Variants in LARGE1 observed in about 807,000 individuals in gnomAD.
The protein encoded by LARGE1 is xylosyl- and glucuronyltransferase LARGE1.
In LARGE1, 43 loss-of-function variants were observed where a neutral mutation model predicts 87.6. The observed-to-expected ratio is 0.49, with a 90% CI of 0.38 to 0.63. The LOEUF (loss-of-function observed/expected upper bound fraction) is 0.63, where lower values mean the gene tolerates loss of function less well. LARGE1 is among the 30% of genes least tolerant of loss of function. The pLI is 0.00. For synonymous variants in LARGE1, 434 were observed against 394.6 expected (o/e 1.10, Z -1.18); for missense variants, 802 against 1,000.2 (o/e 0.80, Z 2.67).
In LARGE1 at chr22:33,311,119, C is replaced by T. The variant is rs543400844; in HGVS notation, c.1451+4966G>A. On this transcript the variant is annotated intron_variant, in intron 11 of 14. Transcript: ENST00000397394. The stretch of plus-strand genomic sequence containing the variant: ...GGGACTACAGGCGCCCGCCACCATG[C>T]CAGGCTAATTTTTTGTATTTTTAGT... Among the ~76,000 whole-genome samples the T allele has an allele frequency of 2.1e-3, 324 of 152,216 alleles. 2 individuals carry two copies. Among genetic ancestry groups the T allele is most frequent in the African/African-American group, 7.5e-3 (310 of 41,548 alleles).
intron 1 of LARGE1, among the ~76,000 whole-genome samples, chr22:33,826,848 AC>A (rs1375105636): frequency 2.6e-5 from 4 of 152,068 alleles, no homozygotes; most frequent in Non-Finnish European, 2.9e-5. Flanking sequence ...TTTTAAAAAA[AC>A]AATAAAAAAA....
intron 1 of LARGE1, chr22:33,873,271 C>G (rs1188762695): frequency 2.6e-5 from 4 of 152,222 alleles, no homozygotes; most frequent in African/African-American, 9.7e-5. Context: ...TGCCCACACC[C>G]TTGGGATCAG....
At chr22:33,100,263 G>A in the LARGE1 span, among the ~76,000 whole-genome samples, 22,409 of 147,646 alleles carry the variant, frequency 0.15, 2,099 homozygotes, top group East Asian at 0.41. Flanking sequence ...CAAGAGAATC[G>A]CTTGAACCCA....
At chr22:33,358,382 T>A (rs2064257432) in intron 9 of LARGE1, among the ~76,000 whole-genome samples, 1 of 152,214 alleles carries the variant, frequency 6.6e-6, no homozygotes, top group East Asian at 1.9e-4. Context: ...GTGTTTTCCC[T>A]GCCTCATTTT....
upstream of LARGE1, chr22:33,922,582 G>T (rs1234057717): frequency 6.6e-6 from 1 of 152,222 alleles, no homozygotes; most frequent in Non-Finnish European, 1.5e-5. Context: ...TGGAGCTTCG[G>T]GATAAGTTAA....
At chr22:33,801,005 G>C (rs1297033109) in intron 1 of LARGE1, among the ~76,000 whole-genome samples, 1 of 152,120 alleles carries the variant, frequency 6.6e-6, no homozygotes, top group East Asian at 1.9e-4. Flanking sequence ...GAGGGACCCG[G>C]GGGAGGTAAA....
intron 1 of LARGE1, among the ~76,000 whole-genome samples, chr22:33,854,651 T>C (rs1469752031): frequency 6.6e-6 from 1 of 150,396 alleles, no homozygotes; most frequent in Non-Finnish European, 1.5e-5. Context: ...CATCATTTTA[T>C]TCTCCCCAAG....
intron 2 of LARGE1, among the ~76,000 whole-genome samples, chr22:33,673,738 C>T (rs1175766124): frequency 6.6e-6 from 1 of 152,158 alleles, no homozygotes; most frequent in African/African-American, 2.4e-5. Flanking sequence ...TGCTCTGTCG[C>T]CCAGGCTGGA....
chr22:33,691,280 G>A lies in LARGE1; in HGVS notation c.107-40612C>T, dbSNP rs142243199. On this transcript the variant is annotated intron_variant, in intron 2 of 14. Coordinates refer to ENST00000397394, the MANE Select transcript of LARGE1 (RefSeq NM_133642.5). ...TTTGAGGGAGGGAGGAGAGAGGGAG[G>A]GAGGGAGGAGGAGAAGAGGCTTACT... is the stretch of plus-strand genomic sequence containing the variant. Among the ~76,000 whole-genome samples the A allele has an allele frequency of 7.6e-3, 1,155 of 152,106 alleles. 14 individuals are homozygous for A. Among genetic ancestry groups the A allele is most frequent in the African/African-American group, 0.025 (1,052 of 41,496 alleles).
intron 6 of LARGE1, among the ~76,000 whole-genome samples, chr22:33,447,230 A>C (rs1162754908): frequency 6.6e-6 from 1 of 152,238 alleles, no homozygotes; most frequent in African/African-American, 2.4e-5. Context: ...CCTTGCCACT[A>C]TGTGGAGTAG....
chr22:33,466,539 G>A (rs901023928), intron 6 of LARGE1, among the ~76,000 whole-genome samples: 1 of 151,752 alleles, frequency 6.6e-6, no homozygotes, highest in Non-Finnish European at 1.5e-5. Flanking sequence ...TTTCTTAGAT[G>A]AGCTGTGAAT....
chr22:33,151,856 T>A, the LARGE1 span, among the ~76,000 whole-genome samples: 839 of 152,260 alleles, frequency 5.5e-3, 8 homozygotes, highest in African/African-American at 0.019. Flanking sequence ...GATATTTGCA[T>A]CTAGTTCATG....
chr22:33,276,638 G>C (rs1929350908), intron 14 of LARGE1, among the ~76,000 whole-genome samples: 2 of 152,214 alleles, frequency 1.3e-5, no homozygotes, highest in African/African-American at 4.8e-5. Flanking sequence ...AATGATGGAT[G>C]CATCTATTAA....
At chr22:33,446,749 C>G (rs886466175) in intron 6 of LARGE1, among the ~76,000 whole-genome samples, 10 of 152,142 alleles carry the variant, frequency 6.6e-5, no homozygotes, top group Admixed American at 6.5e-4. Context: ...CAGGGGGAAC[C>G]ACTGAAGGGA....
chr22:33,877,204 G>T (rs191223029), intron 1 of LARGE1, among the ~76,000 whole-genome samples: 1 of 152,164 alleles, frequency 6.6e-6, no homozygotes, highest in African/African-American at 2.4e-5. Flanking sequence ...GAAGAGAAGG[G>T]AAAGAATACC....
At chr22:33,216,865 G>A (rs536623051) in intron 11 of LARGE1, among the ~76,000 whole-genome samples, 21 of 152,260 alleles carry the variant, frequency 1.4e-4, no homozygotes, top group African/African-American at 5.1e-4. Flanking sequence ...CATAGGGCTT[G>A]GACATGTGGG....
intron 7 of LARGE1, among the ~76,000 whole-genome samples, chr22:33,404,580 G>C (rs1027335992): frequency 6.6e-6 from 1 of 152,198 alleles, no homozygotes; most frequent in Non-Finnish European, 1.5e-5. Flanking sequence ...AAACCCACAG[G>C]CTGTCCTGCT....
intron 5 of LARGE1, among the ~76,000 whole-genome samples, chr22:33,583,573 C>T (rs567568301): frequency 2.6e-5 from 4 of 152,222 alleles, no homozygotes; most frequent in East Asian, 1.9e-4. Context: ...ATTAGAACCT[C>T]GGAAAGAAAT....
chr22:33,253,167 G>A (rs929692688), intron 11 of LARGE1, among the ~76,000 whole-genome samples: 14 of 152,204 alleles, frequency 9.2e-5, no homozygotes, highest in African/African-American at 3.4e-4. Context: ...CACTCTGTTT[G>A]CTCGTAGATA....
Sources: gnomAD v4.1 joint callset for allele counts (sites outside exome capture counted in the v4.1 genomes callset) on GRCh38, gnomAD v4.1.1 for gene constraint, MANE v1.5 for transcripts, NCBI Gene and HGNC (gene_info 2026-07-23, HGNC 2026-07-21) for gene names.